Variants in RET observed in about 807,000 individuals in gnomAD.
RET encodes the protein ret proto-oncogene.
Under a neutral mutation model 118.3 loss-of-function variants are expected in RET, and 19 were observed. That is an observed-to-expected ratio of 0.16 (90% CI 0.11 to 0.24). The LOEUF is 0.24. RET is among the 10% of genes least tolerant of loss of function. The pLI is 1.00. For synonymous variants in RET, 597 were observed against 644.1 expected (o/e 0.93, Z 1.11); for missense variants, 1,219 against 1,502.1 (o/e 0.81, Z 3.12).
In RET at chr10:43,077,118, G is replaced by C. The variant is rs1837058892; in HGVS notation, c.-141G>C. ...GCAGCAGCGCTGAGTGCCCCGGAAC[G>C]TGCGTCGCGCCCCCAGTGTCCGTCG... On this transcript the variant is annotated 5_prime_UTR_variant, in exon 1 of 20. Transcript: ENST00000355710. 1 of 1,183,326 alleles carries C rather than the reference G, an allele frequency of 8.5e-7. No individual in the cohort carries two copies. Among genetic ancestry groups the C allele is most frequent in the Non-Finnish European group, 1.1e-6 (1 of 929,308 alleles). The allele number at this position is 1,183,326 out of a possible 1,614,324, so 73.3% of individuals were successfully genotyped here. A position where few individuals can be genotyped will look rare whatever the true frequency, so the allele number is the denominator to read the frequency against.
At chr10:43,125,149 C>T (rs1347392807) in intron 18 of RET, among the ~76,000 whole-genome samples, 167 bp downstream of exon 18, 2 of 152,206 alleles carry the variant, frequency 1.3e-5, no homozygotes, top group African/African-American at 4.8e-5. Context: ...GCAGATTGAA[C>T]CCTTCTCAGG....
chr10:43,120,668 T>TA (rs912960343), intron 15 of RET, among the ~76,000 whole-genome samples: 2 of 152,208 alleles, frequency 1.3e-5, no homozygotes, highest in African/African-American at 4.8e-5. Context: ...TGGGTGAGTT[T>TA]AGAGGCATAG....
chr10:43,123,849 G>A (rs1405813415), intron 17 of RET, 41 bp downstream of exon 17: 9 of 1,613,228 alleles, frequency 5.6e-6, no homozygotes, highest in Non-Finnish European at 7.6e-6. Flanking sequence ...ACTTGGGAAG[G>A]GAGGGGACAT....
At chr10:43,083,170 C>A (rs1244278330) in intron 1 of RET, among the ~76,000 whole-genome samples, 1 of 152,208 alleles carries the variant, frequency 6.6e-6, no homozygotes, top group East Asian at 1.9e-4. Flanking sequence ...AAGGGGCCAG[C>A]CTGGCTATGG....
rs1009807577 is a variant in RET, at chr10:43,130,210, T to C, written c.*1941T>C. 2.5e-6 allele frequency: 1 copy of C among 394,724 alleles called. No individual in the cohort carries two copies. Among genetic ancestry groups the C allele is most frequent in the African/African-American group, 2.1e-5 (1 of 48,594 alleles). The allele number at this position is 394,724 out of a possible 1,614,324, so 24.5% of individuals were successfully genotyped here. On this transcript the variant is annotated 3_prime_UTR_variant, in exon 20 of 20. Transcript: ENST00000355710. The stretch of plus-strand genomic sequence containing the variant: ...GAAGTTACTAAGTATTAAGTATTAC[T>C]GAGTATTAAGTAGTAATCTGTCAGT...
chr10:43,108,985 A>C (rs1418405198), intron 5 of RET, 46 bp from the exon 6 acceptor site: 2 of 1,581,344 alleles, frequency 1.3e-6, no homozygotes, highest in Non-Finnish European at 1.7e-6. Context: ...CACATGAGGA[A>C]GCAGCCAGAG....
Position 43,128,142 on chromosome 10 carries a change from G to GT in RET, c.3219dup (p.Pro1074SerfsTer8). 6.2e-7 allele frequency: 1 copy of GT among 1,614,166 alleles called. No individual in the cohort carries two copies. The highest frequency in any genetic ancestry group is 8.5e-7 in the Non-Finnish European group (1 of 1,180,028). ...TCAGACCCGAACTGGCCTGGAGAGA[G>GT]TCCTGTACCACTCACGAGAGCTGAT... On this transcript the variant is annotated frameshift_variant, in exon 20 of 20. Coordinates refer to ENST00000355710, the MANE Select transcript of RET (RefSeq NM_020975.6). LOFTEE classifies it high-confidence loss of function.
chr10:43,095,522 T>A (rs1349357762), intron 1 of RET, among the ~76,000 whole-genome samples: 4 of 152,064 alleles, frequency 2.6e-5, no homozygotes, highest in African/African-American at 9.7e-5. Context: ...CGCGCACATG[T>A]GGGACGAGGG....
Position 43,114,515 on chromosome 10 carries a change from G to T in RET, c.1915G>T (p.Ala639Ser), listed in dbSNP as rs777122776. ...CGACGAGCTGTGCCGCACGGTGATC[G>T]CAGCCGCTGTCCTCTTCTCCTTCAT... Reference protein sequence around the residue: ...LCDELCRTVIAAAVLFSFIVS... With the variant: ...LCDELCRTVISAAVLFSFIVS... Residue 639 changes from alanine (A) to serine (S), a missense_variant, in exon 11 of 20, where the codon GCA (alanine) becomes TCA (serine). Ala to Ser is a moderately conservative substitution (Grantham distance 99). Coordinates refer to ENST00000355710, the MANE Select transcript of RET (RefSeq NM_020975.6). This position sits in a 1 kb window ranked among gnomAD's most constrained non-coding sequence, Gnocchi z 4.6. The T allele has an allele frequency of 6.2e-7, 1 of 1,608,562 alleles. No homozygotes were observed. The highest frequency in any genetic ancestry group is 2.2e-5 in the East Asian group (1 of 44,826).
chr10:43,127,509 T>G (rs1289768891), intron 19 of RET: 11 of 1,027,010 alleles, frequency 1.1e-5, no homozygotes, highest in African/African-American at 3.4e-5. Context: ...AAATTTTTTC[T>G]GTTTCCTAAC....
chr10:43,118,090 A>T (rs1287067746), intron 12 of RET, among the ~76,000 whole-genome samples: 1 of 152,176 alleles, frequency 6.6e-6, no homozygotes, highest in Non-Finnish European at 1.5e-5. Context: ...GACAATGACT[A>T]CAGGAACATA....
intron 18 of RET, 35 bp from the exon 19 acceptor site, chr10:43,126,540 A>G (rs1838332042): frequency 1.9e-6 from 3 of 1,586,120 alleles, no homozygotes; most frequent in African/African-American, 2.7e-5. Context: ...GTTGTGGCAC[A>G]TGGCTTGGAG....
chr10:43,118,592 G>C, intron 13 of RET, 112 bp downstream of exon 13: 2 of 838,894 alleles, frequency 2.4e-6, no homozygotes, highest in Middle Eastern at 2.9e-4. Flanking sequence ...CCTGTTTCCT[G>C]TTCTCCCTCT....
At position 43,114,518 on chromosome 10, in the gene RET, G is replaced by A. The variant is rs1224994492; in HGVS notation, c.1918G>A (p.Ala640Thr). The change falls in exon 11 of 20, where the codon GCC becomes ACC. Residue 640 changes from alanine (A) to threonine (T), a missense_variant. Transcript: ENST00000355710. The surrounding 1 kb of genome is among the most constrained non-coding windows in gnomAD (Gnocchi z 4.6). Reference protein sequence around the residue: ...CDELCRTVIAAAVLFSFIVSV... With the variant: ...CDELCRTVIATAVLFSFIVSV... ...CGAGCTGTGCCGCACGGTGATCGCAGCCGCTGTCCTCTTCTCCTTCATCGT... is the reference window on the plus strand; with the variant it reads ...CGAGCTGTGCCGCACGGTGATCGCAACCGCTGTCCTCTTCTCCTTCATCGT... The A allele has an allele frequency of 6.2e-7, 1 of 1,609,136 alleles. No individual in the cohort carries two copies. Among genetic ancestry groups the A allele is most frequent in the Non-Finnish European group, 8.5e-7 (1 of 1,179,982 alleles).
intron 12 of RET, among the ~76,000 whole-genome samples, chr10:43,117,184 C>T (rs1838092570): frequency 6.6e-6 from 1 of 152,264 alleles, no homozygotes; most frequent in Admixed American, 6.5e-5. Context: ...CACCTACCCA[C>T]ACAGGCATGC....
At chr10:43,116,340 G>T (rs763903160) in intron 11 of RET, among the ~76,000 whole-genome samples, 1 of 152,230 alleles carries the variant, frequency 6.6e-6, no homozygotes. Flanking sequence ...ACCAGAGAGG[G>T]TCGAAGTACT....
At chr10:43,122,541 C>G (rs531857357) in intron 16 of RET, among the ~76,000 whole-genome samples, 2 of 152,332 alleles carry the variant, frequency 1.3e-5, no homozygotes, top group African/African-American at 4.8e-5. Context: ...AAGAGCTGAT[C>G]ACTTTTAAAA....
rs201766252 is a variant in RET, at chr10:43,106,367, A to G, written c.868-9A>G. 65 of 1,608,382 alleles carry G rather than the reference A, an allele frequency of 4.0e-5. 1 individual carries two copies. Among genetic ancestry groups the G allele is most frequent in the Non-Finnish European group, 5.3e-5 (62 of 1,179,856 alleles). On this transcript the variant is annotated splice_polypyrimidine_tract_variant and intron_variant, in intron 4 of 19. Transcript: ENST00000355710. The surrounding 1 kb of genome is among the most constrained non-coding windows in gnomAD (Gnocchi z 5.1). The stretch of plus-strand genomic sequence containing the variant: ...GCCTGCACTGACCAACGCCCTCTGC[A>G]TCCTGCAGGACACCGTGGTGGCCAC...
intron 15 of RET, among the ~76,000 whole-genome samples, chr10:43,121,429 G>C (rs998138617): frequency 2.6e-5 from 4 of 152,102 alleles, no homozygotes; most frequent in East Asian, 3.9e-4. Context: ...GGGATGTAGG[G>C]GGCTGGGGGC....
Sources: gnomAD v4.1 joint callset for allele counts (sites outside exome capture counted in the v4.1 genomes callset) on GRCh38, gnomAD v4.1.1 for gene constraint, Gnocchi (gnomAD v3.1) non-coding constraint, MANE v1.5 for transcripts, NCBI Gene and HGNC (gene_info 2026-07-23, HGNC 2026-07-21) for gene names.